The following KCNIP4 variants were observed in gnomAD, a reference collection of about 807,000 sequenced individuals.
The protein encoded by KCNIP4 is potassium voltage-gated channel interacting protein 4.
In KCNIP4, 12 loss-of-function variants were observed where a neutral mutation model predicts 34.0. The observed-to-expected ratio is 0.35, with a 90% CI of 0.23 to 0.57. KCNIP4 has a LOEUF of 0.57. Among genes scored for constraint, KCNIP4 ranks in the 20% least tolerant of loss-of-function variants. The probability of loss-of-function intolerance (pLI) is 0.83; values close to 1 mark genes in which losing one functional copy is unlikely to be tolerated. For missense variants in KCNIP4, 238 were observed against 311.7 expected, an observed-to-expected ratio of 0.76 and a Z score of 1.78; for synonymous variants, 124 against 102.2, an observed-to-expected ratio of 1.21 and a Z score of -1.29.
intron 1 of KCNIP4, among the ~76,000 whole-genome samples, chr4:21,072,736 A>G (rs1017769388): frequency 2.6e-5 from 4 of 151,612 alleles, no homozygotes; most frequent in African/African-American, 9.8e-5. Flanking sequence ...TATGTCCTGA[A>G]TGGTATTGCC....
At chr4:21,872,217 C>T (rs1725861012) in intron 1 of KCNIP4, among the ~76,000 whole-genome samples, 1 of 152,116 alleles carries the variant, frequency 6.6e-6, no homozygotes, top group South Asian at 2.1e-4. Flanking sequence ...CAGCCACTGT[C>T]TTATCCCCAG....
chr4:21,095,844 A>G (rs1471727033), intron 1 of KCNIP4, among the ~76,000 whole-genome samples: 1 of 152,196 alleles, frequency 6.6e-6, no homozygotes, highest in Non-Finnish European at 1.5e-5. Context: ...GTACACGTTC[A>G]CATCTGCTTA....
chr4:21,282,330 AT>A lies in KCNIP4; in HGVS notation c.62-399622del, dbSNP rs577829305. ...AGTAGATATCTTTTACCATAAAGAG[AT>A]AACTACAAATATAAATAAAATATTG... On this transcript the variant is annotated intron_variant, in intron 1 of 8. Coordinates refer to ENST00000382152, the MANE Select transcript of KCNIP4 (RefSeq NM_025221.6). Among the ~76,000 whole-genome samples, 14 of 152,334 alleles carry A rather than the reference AT, an allele frequency of 9.2e-5. No individual in the cohort carries two copies. In the South Asian group the frequency reaches 2.9e-3, roughly 32 times the overall value.
chr4:21,670,446 A>G (rs1210217579), intron 1 of KCNIP4, among the ~76,000 whole-genome samples: 1 of 149,498 alleles, frequency 6.7e-6, no homozygotes, highest in Non-Finnish European at 1.5e-5. Context: ...GGGGAGGGAT[A>G]GCATTGGGAG....
intron 1 of KCNIP4, among the ~76,000 whole-genome samples, chr4:21,878,714 C>T (rs1439631375): frequency 6.6e-6 from 1 of 152,154 alleles, no homozygotes; most frequent in East Asian, 1.9e-4. Flanking sequence ...TTCTGGACAA[C>T]ATGAACACAA....
rs139995708 is a variant in KCNIP4, at chr4:20,777,688, AG to A, written c.289-18799del. Among the ~76,000 whole-genome samples the A allele has an allele frequency of 4.1e-3, 619 of 152,302 alleles. 4 individuals carry two copies. Among genetic ancestry groups the A allele is most frequent in the African/African-American group, 0.014 (594 of 41,562 alleles). On this transcript the variant is annotated intron_variant, in intron 3 of 8. Coordinates refer to ENST00000382152, the MANE Select transcript of KCNIP4 (RefSeq NM_025221.6). ...AGTTTATGGTAATTTGTGACAGTGG[AG>A]GTTGTAGATTACAGAGAAAAAGTGG...
At chr4:20,900,566 T>C (rs938946355) in intron 1 of KCNIP4, among the ~76,000 whole-genome samples, 3 of 150,732 alleles carry the variant, frequency 2.0e-5, no homozygotes, top group African/African-American at 7.5e-5. Flanking sequence ...CCAAAACAAT[T>C]AGTTTTCCAC....
intron 2 of KCNIP4, among the ~76,000 whole-genome samples, chr4:20,875,155 C>T (rs930329929): frequency 6.6e-6 from 1 of 151,674 alleles, no homozygotes; most frequent in African/African-American, 2.4e-5. Context: ...ACAATATGTG[C>T]TGTGTATGAC....
intron 3 of KCNIP4, among the ~76,000 whole-genome samples, chr4:20,783,397 AGGTTTAGTT>A (rs1014274724): frequency 5.3e-5 from 8 of 152,186 alleles, no homozygotes; most frequent in African/African-American, 1.9e-4. Context: ...GAAGAAAAAG[AGGTTTAGTT>A]GGACTTAACA....
At chr4:21,616,467 G>A (rs1257047547) in intron 1 of KCNIP4, among the ~76,000 whole-genome samples, 3 of 152,162 alleles carry the variant, frequency 2.0e-5, no homozygotes, top group Non-Finnish European at 2.9e-5. Context: ...TCTACAACAG[G>A]TCCTGAACAC....
chr4:21,378,159 A>T (rs1339376547), intron 1 of KCNIP4, among the ~76,000 whole-genome samples: 1 of 152,210 alleles, frequency 6.6e-6, no homozygotes, highest in Non-Finnish European at 1.5e-5. Context: ...TCATCAAGTT[A>T]TCAGGCAATT....
intron 1 of KCNIP4, among the ~76,000 whole-genome samples, chr4:21,476,922 C>A (rs144951485): frequency 6.6e-6 from 1 of 152,212 alleles, no homozygotes; most frequent in East Asian, 1.9e-4. Flanking sequence ...CCTCCTTTAA[C>A]AAATCCAGGC....
At chr4:20,882,216 G>A (rs1724768449) in intron 2 of KCNIP4, among the ~76,000 whole-genome samples, 1 of 152,068 alleles carries the variant, frequency 6.6e-6, no homozygotes, top group Admixed American at 6.6e-5. Flanking sequence ...CTGAATTTGG[G>A]CAGTGTCCAC....
At position 21,404,590 on chromosome 4, in the gene KCNIP4, G is replaced by A. The variant is rs373676165; in HGVS notation, c.62-521881C>T. The stretch of plus-strand genomic sequence containing the variant: ...ATCATATTTTTATAAACATGTACAC[G>A]TATACATAGCATATTAACAATCTTC... On this transcript the variant is annotated intron_variant, in intron 1 of 8. Transcript: ENST00000382152. 2.1e-4 allele frequency among the ~76,000 whole-genome samples: 32 copies of A among 151,912 alleles called. No individual in the cohort carries two copies. The South Asian group carries it at 4.2e-3, about 20-fold the overall frequency.
intron 1 of KCNIP4, among the ~76,000 whole-genome samples, chr4:21,602,286 T>C (rs1319281831): frequency 6.6e-6 from 1 of 152,168 alleles, no homozygotes; most frequent in Non-Finnish European, 1.5e-5. Flanking sequence ...AACTATTTGC[T>C]TGCATGTCCT....
intron 1 of KCNIP4, among the ~76,000 whole-genome samples, chr4:21,586,785 C>A (rs1741651809): frequency 6.6e-6 from 1 of 151,996 alleles, no homozygotes; most frequent in Non-Finnish European, 1.5e-5. Context: ...ACTAAAATAA[C>A]CCCTGGATTC....
At chr4:21,748,409 G>A (rs971997813) in intron 1 of KCNIP4, among the ~76,000 whole-genome samples, 2 of 152,192 alleles carry the variant, frequency 1.3e-5, no homozygotes, top group African/African-American at 4.8e-5. Flanking sequence ...TTGATAAGGT[G>A]TAGACAGAAA....
At chr4:21,103,096 G>A (rs899081464) in intron 1 of KCNIP4, among the ~76,000 whole-genome samples, 5 of 151,784 alleles carry the variant, frequency 3.3e-5, no homozygotes, top group Admixed American at 3.3e-4. Flanking sequence ...TCAATCAAAT[G>A]GGGTGATAGA....
intron 1 of KCNIP4, among the ~76,000 whole-genome samples, chr4:21,642,117 C>G (rs935498335): frequency 1.3e-5 from 2 of 152,180 alleles, no homozygotes; most frequent in Admixed American, 1.3e-4. Context: ...CCATAGCATT[C>G]CACACAGCAC....
Sources: gnomAD v4.1 joint callset for allele counts (sites outside exome capture counted in the v4.1 genomes callset) on GRCh38, gnomAD v4.1.1 for gene constraint, MANE v1.5 for transcripts, NCBI Gene and HGNC (gene_info 2026-07-23, HGNC 2026-07-21) for gene names.